PRKAR1A: variants seen among roughly 807,000 people sequenced by gnomAD.
The protein encoded by PRKAR1A is cAMP-dependent protein kinase type I-alpha regulatory subunit.
Under a neutral mutation model 52.0 loss-of-function variants are expected in PRKAR1A, and 3 were observed. That is an observed-to-expected ratio of 0.06 (90% confidence interval 0.03 to 0.15). The LOEUF is 0.15. Ranked by LOEUF, PRKAR1A falls within the 10% of genes least tolerant of loss-of-function variation. The pLI is 1.00. For missense variants in PRKAR1A, 240 were observed against 477.4 expected, an observed-to-expected ratio of 0.50 and a Z score of 4.63; for synonymous variants, 188 against 168.4, an observed-to-expected ratio of 1.12 and a Z score of -0.90.
the PRKAR1A span, among the ~76,000 whole-genome samples, chr17:68,487,449 T>C: frequency 6.6e-6 from 1 of 152,236 alleles, no homozygotes; most frequent in African/African-American, 2.4e-5. Flanking sequence ...CAACGTTTCC[T>C]GACTTTCTCC....
At chr17:68,458,113 C>T in the PRKAR1A span, among the ~76,000 whole-genome samples, 1 of 152,202 alleles carries the variant, frequency 6.6e-6, no homozygotes, top group East Asian at 1.9e-4. Context: ...GAGAGAAGCT[C>T]CTGAAATGGG....
chr17:68,480,648 A>G, the PRKAR1A span, among the ~76,000 whole-genome samples: 1 of 152,170 alleles, frequency 6.6e-6, no homozygotes, highest in South Asian at 2.1e-4. Context: ...CCTGGGCTCA[A>G]GTGATCCTCC....
At chr17:68,542,697 G>T in intron 11 of PRKAR1A, 1 of 1,611,846 alleles carries the variant, frequency 6.2e-7, no homozygotes, top group South Asian at 1.1e-5. Context: ...ACTCTACCTG[G>T]AGAGACAAAG....
the PRKAR1A span, among the ~76,000 whole-genome samples, chr17:68,444,144 A>T: frequency 1.3e-5 from 2 of 152,226 alleles, no homozygotes; most frequent in African/African-American, 4.8e-5. Flanking sequence ...CCTACTCTGT[A>T]CTGAACGAAC....
intron 11 of PRKAR1A, chr17:68,541,361 T>G (rs1393414733): frequency 4.1e-6 from 1 of 245,712 alleles, no homozygotes; most frequent in Non-Finnish European, 8.1e-6. Context: ...CACATGGTTT[T>G]CTGCCTACAA....
chr17:68,550,488 C>G (rs2086788230), intron 11 of PRKAR1A, among the ~76,000 whole-genome samples: 1 of 144,938 alleles, frequency 6.9e-6, no homozygotes, highest in Admixed American at 7.3e-5. Flanking sequence ...TCAGGAGATT[C>G]TTCTGCCTCA....
chr17:68,417,866 G>T, the PRKAR1A span, among the ~76,000 whole-genome samples: 1 of 147,126 alleles, frequency 6.8e-6, no homozygotes, highest in Non-Finnish European at 1.5e-5. Flanking sequence ...AGGTAGCCGG[G>T]ATTACAGGTG....
chr17:68,542,149 G>A, intron 11 of PRKAR1A: 2 of 1,614,040 alleles, frequency 1.2e-6, no homozygotes, highest in Non-Finnish European at 1.7e-6. Context: ...ACTTGGCGAA[G>A]AAGCACACGT....
rs1000816889 is a variant in PRKAR1A at position 68,522,105 on chromosome 17, G to A, written c.178-651G>A. 4.6e-5 allele frequency among the ~76,000 whole-genome samples: 7 copies of A among 152,194 alleles called. No homozygotes were observed. The East Asian group carries it at 5.8e-4, about 13-fold the overall frequency. ...GGAGAAGTATTATAGATACGATCTC[G>A]TTTAAATTCGTGGTTACCATCACAT... is the stretch of plus-strand genomic sequence containing the variant. On this transcript the variant is annotated intron_variant, in intron 2 of 10. Transcript: ENST00000589228.
intron 6 of PRKAR1A, among the ~76,000 whole-genome samples, 196 bp from the exon 7 acceptor site, chr17:68,525,558 T>C (rs1360231419): frequency 6.6e-6 from 1 of 152,126 alleles, no homozygotes; most frequent in African/African-American, 2.4e-5. Context: ...TTAAATCAGG[T>C]AAATTATAGA....
At chr17:68,426,503 G>A in the PRKAR1A span, among the ~76,000 whole-genome samples, 2 of 152,112 alleles carry the variant, frequency 1.3e-5, no homozygotes, top group Non-Finnish European at 1.5e-5. Flanking sequence ...TTCCTGAGTG[G>A]CTAGGACTAC....
the PRKAR1A span, among the ~76,000 whole-genome samples, chr17:68,417,732 A>ATTT: frequency 9.5e-5 from 6 of 63,188 alleles, no homozygotes; most frequent in Admixed American, 2.3e-4. Context: ...AGAGTTGCTG[A>ATTT]ATTTTTTTTT....
chr17:68,424,424 G>A, the PRKAR1A span: 1 of 534,532 alleles, frequency 1.9e-6, no homozygotes, highest in South Asian at 1.4e-5. Context: ...GGAGAAAGAA[G>A]CCAGACCTGC....
At position 68,532,823 on chromosome 17, in the gene PRKAR1A, C is replaced by T. The variant is rs2143411176; in HGVS notation, c.*2374C>T. ...TTCCGTCTTTCCTCTCTCTGTCCTT[C>T]CCCGAAAGTCTACTCGGGTGGGCAA... On this transcript the variant is annotated 3_prime_UTR_variant, in exon 11 of 11. Coordinates refer to ENST00000589228, the MANE Select transcript of PRKAR1A (RefSeq NM_002734.5). The T allele has an allele frequency of 9.4e-7, 1 of 1,066,412 alleles. No individual in the cohort carries two copies. The highest frequency in any genetic ancestry group is 1.1e-6 in the Non-Finnish European group (1 of 879,770). The allele number at this position is 1,066,412 out of a possible 1,614,324, so 66.1% of individuals were successfully genotyped here. A position where few individuals can be genotyped will look rare whatever the true frequency, so the allele number is the denominator to read the frequency against.
At chr17:68,536,455 A>C (rs143059408), downstream of PRKAR1A, 1 of 454,024 alleles carries the variant, frequency 2.2e-6, no homozygotes, top group Non-Finnish European at 4.4e-6. Flanking sequence ...AGAGGAGACA[A>C]GGAATCCCTA....
the PRKAR1A span, chr17:68,433,370 G>T: frequency 0.047 from 51,796 of 1,111,966 alleles, 1,433 homozygotes; most frequent in Middle Eastern, 0.098. Context: ...AGCCAAGATT[G>T]GGTGTTCAGA....
the PRKAR1A span, among the ~76,000 whole-genome samples, chr17:68,433,168 G>A: frequency 3.3e-5 from 5 of 152,228 alleles, no homozygotes; most frequent in Non-Finnish European, 7.3e-5. Flanking sequence ...TAATACTACT[G>A]TTATGTTCAT....
downstream of PRKAR1A, chr17:68,536,699 C>A (rs1470373256): frequency 2.2e-6 from 1 of 453,922 alleles, no homozygotes; most frequent in Non-Finnish European, 4.4e-6. Flanking sequence ...CCTGCTAGGC[C>A]TGTTCCCATG....
the PRKAR1A span, among the ~76,000 whole-genome samples, chr17:68,424,750 A>G: frequency 0.04 from 6,148 of 152,252 alleles, 246 homozygotes; most frequent in South Asian, 0.19. Flanking sequence ...GGTGGCGCAC[A>G]TCTGTAATTG....
Sources: gnomAD v4.1 joint callset for allele counts (sites outside exome capture counted in the v4.1 genomes callset) on GRCh38, gnomAD v4.1.1 for gene constraint, MANE v1.5 for transcripts, NCBI Gene and HGNC (gene_info 2026-07-23, HGNC 2026-07-21) for gene names.